The following RNASEH1 variants were observed in gnomAD, a reference collection of about 807,000 sequenced individuals.
RNASEH1 encodes ribonuclease H1, also known as ribonuclease H type II.
A neutral mutation model predicts 34.6 loss-of-function variants in RNASEH1; 27 were observed. The observed-to-expected ratio is 0.78, with a 90% confidence interval of 0.58 to 1.08. RNASEH1 has a LOEUF of 1.08. RNASEH1 is among the 50% of genes least tolerant of loss of function. RNASEH1 has a pLI of 0.00. For missense variants in RNASEH1, 349 were observed against 373.6 expected (o/e 0.93, Z 0.54); for synonymous variants, 162 against 138.4 (o/e 1.17, Z -1.20).
chr2:3,538,963 G>A (rs182955269), downstream of RNASEH1, among the ~76,000 whole-genome samples: 2 of 152,232 alleles, frequency 1.3e-5, no homozygotes, highest in Admixed American at 6.5e-5. Context: ...GAGTAAAGCC[G>A]AGCATCTTTT....
At chr2:3,549,375 C>T (rs1669067948) in intron 4 of RNASEH1, among the ~76,000 whole-genome samples, 1 of 152,116 alleles carries the variant, frequency 6.6e-6, no homozygotes, top group Admixed American at 6.5e-5. Context: ...ATGGCTGCAG[C>T]AGAAAGAATC....
the RNASEH1 span, among the ~76,000 whole-genome samples, chr2:3,535,395 C>T: frequency 2.0e-5 from 3 of 149,856 alleles, no homozygotes; most frequent in African/African-American, 7.4e-5. Context: ...CCACTGCACT[C>T]CAGCCTGCGT....
At chr2:3,552,979 G>A (rs1026847850) in intron 2 of RNASEH1, among the ~76,000 whole-genome samples, 1 of 152,172 alleles carries the variant, frequency 6.6e-6, no homozygotes, top group Non-Finnish European at 1.5e-5. Context: ...CAGATAATGG[G>A]ACATATTAAG....
At chr2:3,556,353 T>C (rs919168032) in intron 2 of RNASEH1, among the ~76,000 whole-genome samples, 5 of 149,454 alleles carry the variant, frequency 3.3e-5, no homozygotes, top group African/African-American at 1.2e-4. Flanking sequence ...TCACCCAGGC[T>C]GGAGTGCAGT....
intron 2 of RNASEH1, among the ~76,000 whole-genome samples, chr2:3,553,773 T>C (rs1179939271): frequency 1.3e-5 from 2 of 152,174 alleles, no homozygotes; most frequent in South Asian, 2.1e-4. Context: ...GCAGCTGAAG[T>C]AGAACAGCTA....
At position 3,545,675 on chromosome 2, in the gene RNASEH1, T is replaced by G; in HGVS notation, c.*110A>C. 1 of 740,520 alleles carries G rather than the reference T, an allele frequency of 1.4e-6. No homozygotes were observed. Among genetic ancestry groups the G allele is most frequent in the South Asian group, 1.4e-5 (1 of 69,040 alleles). 45.9% of individuals were successfully genotyped at this position (740,520 alleles called of 1,614,324 possible). ...TGCCTGATTCCGTGTGAAAGACGCA[T>G]CTGCCCATCACTGCAATGGTCCTAC... On this transcript the variant is annotated 3_prime_UTR_variant, in exon 8 of 8. Coordinates refer to ENST00000315212, the MANE Select transcript of RNASEH1 (RefSeq NM_002936.6).
At chr2:3,556,492 A>T (rs1660512223) in intron 2 of RNASEH1, among the ~76,000 whole-genome samples, 1 of 151,898 alleles carries the variant, frequency 6.6e-6, no homozygotes, top group South Asian at 2.1e-4. Context: ...TTTAGTAGAG[A>T]TGGAGTTTCA....
At position 3,558,261 on chromosome 2, in the gene RNASEH1, C is replaced by A. The variant is rs149902197; in HGVS notation, c.-1G>T. The A allele has an allele frequency of 2.5e-6, 4 of 1,578,106 alleles. No individual in the cohort carries two copies. In the South Asian group the frequency reaches 3.5e-5, roughly 14 times the overall value. Reference sequence around the variant, plus strand: ...GGGCCAGGAACAGAAGCCAGCTCATCGCTCACTCCCGGCACCGGGAAGCAT... The same window carrying A: ...GGGCCAGGAACAGAAGCCAGCTCATAGCTCACTCCCGGCACCGGGAAGCAT... On this transcript the variant is annotated 5_prime_UTR_variant, in exon 1 of 8. Coordinates refer to ENST00000315212, the MANE Select transcript of RNASEH1 (RefSeq NM_002936.6).
the RNASEH1 span, among the ~76,000 whole-genome samples, chr2:3,536,270 G>T: frequency 6.6e-6 from 1 of 152,232 alleles, no homozygotes; most frequent in Non-Finnish European, 1.5e-5. Context: ...GGGAAGAACG[G>T]TCGGCCTAGA....
chr2:3,552,081 C>A (rs1659982058), intron 3 of RNASEH1, 63 bp downstream of exon 3: 2 of 1,422,746 alleles, frequency 1.4e-6, no homozygotes, highest in Non-Finnish European at 1.9e-6. Flanking sequence ...GTGGGAAACA[C>A]CTTTTACACA....
intron 3 of RNASEH1, among the ~76,000 whole-genome samples, 161 bp from the exon 4 acceptor site, chr2:3,550,633 G>A (rs879212738): frequency 6.6e-6 from 1 of 152,188 alleles, no homozygotes; most frequent in South Asian, 2.1e-4. Flanking sequence ...CCTTACAAGG[G>A]GGCACCTAAC....
At chr2:3,535,673 G>A in the RNASEH1 span, among the ~76,000 whole-genome samples, 1 of 152,070 alleles carries the variant, frequency 6.6e-6, no homozygotes, top group South Asian at 2.1e-4. Flanking sequence ...GGGTGTGGGG[G>A]AGGAATTTGC....
At chr2:3,538,061 C>T (rs1668078849), downstream of RNASEH1, among the ~76,000 whole-genome samples, 1 of 146,484 alleles carries the variant, frequency 6.8e-6, no homozygotes, top group Non-Finnish European at 1.5e-5. Context: ...TTTAAGATAG[C>T]ATACAGGCTG....
chr2:3,552,637 A>G (rs1017364432), intron 2 of RNASEH1, among the ~76,000 whole-genome samples: 14 of 145,490 alleles, frequency 9.6e-5, no homozygotes, highest in African/African-American at 1.5e-4. Context: ...CAGCATCTCA[A>G]TCCCCTCCAC....
At position 3,541,769 on chromosome 2, in the gene RNASEH1, C is replaced by G. The variant is rs546264889; in HGVS notation, c.*4016G>C. On this transcript the variant is annotated 3_prime_UTR_variant, in exon 8 of 8. Transcript: ENST00000315212. ...TGCTGTTGGTGGTGATGGACATGTT[C>G]TGGCGACAGCTTCACAGGCAAATGC... is the stretch of plus-strand genomic sequence containing the variant. 6.6e-6 allele frequency among the ~76,000 whole-genome samples: 1 copy of G among 152,328 alleles called. No individual in the cohort carries two copies. The highest frequency in any genetic ancestry group is 2.4e-5 in the African/African-American group (1 of 41,572).
rs529962448 is a variant in RNASEH1, at chr2:3,555,770, G to A, written c.244+1019C>T. Among the ~76,000 whole-genome samples the A allele has an allele frequency of 8.5e-4, 130 of 152,228 alleles. No homozygotes were observed. In the Middle Eastern group the frequency reaches 0.014, roughly 16 times the overall value. On this transcript the variant is annotated intron_variant, in intron 2 of 7. Transcript: ENST00000315212. ...TCTTGCGCTCTAAAGTCGTCACCCT[G>A]CTCATCTGAGTCTGCATAATGGGCT...
the RNASEH1 span, among the ~76,000 whole-genome samples, chr2:3,532,485 A>C: frequency 6.6e-6 from 1 of 152,136 alleles, no homozygotes; most frequent in African/African-American, 2.4e-5. Context: ...GTTCTAAGGA[A>C]GGTGTCCTTA....
intron 7 of RNASEH1, among the ~76,000 whole-genome samples, chr2:3,547,619 C>G (rs1177469809): frequency 1.3e-5 from 2 of 151,884 alleles, no homozygotes; most frequent in East Asian, 3.9e-4. Context: ...TCCTGAGTAG[C>G]TGGGACTACA....
downstream of RNASEH1, among the ~76,000 whole-genome samples, chr2:3,537,202 ACT>A (rs1358361742): frequency 6.6e-6 from 1 of 152,120 alleles, no homozygotes; most frequent in Non-Finnish European, 1.5e-5. Context: ...AGATACACAC[ACT>A]GTGCCATGTC....
Sources: allele counts gnomAD v4.1 joint callset (sites outside exome capture counted in the v4.1 genomes callset), GRCh38; gene constraint gnomAD v4.1.1; transcripts MANE v1.5; gene names NCBI Gene and HGNC (gene_info 2026-07-23, HGNC 2026-07-21).